Variants in NKAIN2 observed in about 807,000 individuals in gnomAD.
The protein encoded by NKAIN2 is sodium/potassium-transporting ATPase subunit beta-1-interacting protein 2.
NKAIN2 carries 14 observed loss-of-function variants against 32.6 expected under a neutral mutation model. The ratio of observed to expected loss-of-function variants is 0.43; its 90% CI spans 0.28 to 0.67. NKAIN2 has a LOEUF of 0.67. Ranked by LOEUF, NKAIN2 falls within the 30% of genes least tolerant of loss-of-function variation. The pLI, the probability that NKAIN2 is intolerant of heterozygous loss-of-function variation, is 0.17. For synonymous variants in NKAIN2, 80 were observed against 87.2 expected (o/e 0.92, Z 0.46); for missense variants, 198 against 258.3 (o/e 0.77, Z 1.60).
intron 3 of NKAIN2, among the ~76,000 whole-genome samples, chr6:124,509,061 G>A (rs1015885575): frequency 3.3e-5 from 5 of 152,106 alleles, no homozygotes. Flanking sequence ...TATCTTTTTA[G>A]GAAACACAAC....
At chr6:124,685,486 C>G (rs1035911010) in intron 4 of NKAIN2, among the ~76,000 whole-genome samples, 2 of 152,088 alleles carry the variant, frequency 1.3e-5, no homozygotes, top group East Asian at 3.8e-4. Context: ...AGAAAATCCT[C>G]CAACTTTGGT....
intron 2 of NKAIN2, among the ~76,000 whole-genome samples, chr6:124,324,018 C>T (rs1797314809): frequency 6.6e-6 from 1 of 151,970 alleles, no homozygotes; most frequent in South Asian, 2.1e-4. Flanking sequence ...GTCTCGATCT[C>T]CTGACCTCGT....
intron 3 of NKAIN2, among the ~76,000 whole-genome samples, chr6:124,607,955 T>A (rs1409017751): frequency 6.6e-6 from 1 of 152,150 alleles, no homozygotes; most frequent in Non-Finnish European, 1.5e-5. Flanking sequence ...ATGTTTAAGG[T>A]AGGCTACGCT....
intron 1 of NKAIN2, among the ~76,000 whole-genome samples, chr6:123,898,930 C>T (rs1774420902): frequency 6.6e-6 from 1 of 152,180 alleles, no homozygotes; most frequent in African/African-American, 2.4e-5. Context: ...CCTTCATAAC[C>T]TCAGCCACAA....
chr6:124,479,790 A>T (rs924043215), intron 3 of NKAIN2, among the ~76,000 whole-genome samples: 3 of 152,094 alleles, frequency 2.0e-5, no homozygotes, highest in Admixed American at 6.6e-5. Context: ...ATTTTTTTTC[A>T]ACTCAGGCAT....
At chr6:124,408,684 T>C (rs1773992803) in intron 3 of NKAIN2, among the ~76,000 whole-genome samples, 2 of 151,716 alleles carry the variant, frequency 1.3e-5, no homozygotes, top group South Asian at 4.2e-4. Context: ...ATGTGGGCTC[T>C]TTTTTGGTTC....
intron 1 of NKAIN2, among the ~76,000 whole-genome samples, chr6:123,824,381 A>G (rs778627425): frequency 6.6e-6 from 1 of 152,136 alleles, no homozygotes; most frequent in African/African-American, 2.4e-5. Flanking sequence ...GTGAAGAAAG[A>G]TCTTTCTGGG....
intron 3 of NKAIN2, among the ~76,000 whole-genome samples, chr6:124,422,365 T>C (rs1352733208): frequency 6.6e-6 from 1 of 152,098 alleles, no homozygotes; most frequent in Non-Finnish European, 1.5e-5. Flanking sequence ...TGGAATACAT[T>C]TCTAAAGAAA....
chr6:124,722,798 A>G (rs1309204817), intron 4 of NKAIN2, among the ~76,000 whole-genome samples: 3 of 152,240 alleles, frequency 2.0e-5, no homozygotes, highest in African/African-American at 4.8e-5. Context: ...TCCTGCAAAC[A>G]GGGCACAAGG....
At chr6:124,177,440 T>A (rs1483895042) in intron 1 of NKAIN2, among the ~76,000 whole-genome samples, 1 of 152,192 alleles carries the variant, frequency 6.6e-6, no homozygotes, top group East Asian at 1.9e-4. Flanking sequence ...AATCCTTTTT[T>A]GTGGCCCAGG....
intron 3 of NKAIN2, among the ~76,000 whole-genome samples, chr6:124,637,352 T>C (rs1335646400): frequency 6.6e-6 from 1 of 152,040 alleles, no homozygotes; most frequent in Non-Finnish European, 1.5e-5. Flanking sequence ...TGCCCATTTT[T>C]ACCTCTCTTA....
intron 3 of NKAIN2, among the ~76,000 whole-genome samples, chr6:124,631,599 C>T (rs747663515): frequency 2.0e-5 from 3 of 152,204 alleles, no homozygotes; most frequent in South Asian, 4.1e-4. Context: ...CTCAGCACAC[C>T]GCTTTTTCTA....
intron 4 of NKAIN2, among the ~76,000 whole-genome samples, chr6:124,719,272 A>C (rs968032747): frequency 6.6e-6 from 1 of 152,212 alleles, no homozygotes; most frequent in Non-Finnish European, 1.5e-5. Context: ...ACACTGGTTC[A>C]AACTTTAATG....
At chr6:124,087,455 T>C (rs981117536) in intron 1 of NKAIN2, among the ~76,000 whole-genome samples, 24 of 152,048 alleles carry the variant, frequency 1.6e-4, no homozygotes, top group African/African-American at 5.3e-4. Flanking sequence ...AAAAAAAATG[T>C]ATATACATTG....
chr6:123,823,312 T>A (rs937585686), intron 1 of NKAIN2: 2 of 152,170 alleles, frequency 1.3e-5, no homozygotes, highest in Non-Finnish European at 2.9e-5. Context: ...GTGAAAATAA[T>A]GGATACAAAT....
Position 124,662,639 on chromosome 6 carries a change from G to C in NKAIN2, c.474+4253G>C, listed in dbSNP as rs143820807. On this transcript the variant is annotated intron_variant, in intron 4 of 6. Coordinates refer to ENST00000368417, the MANE Select transcript of NKAIN2 (RefSeq NM_001040214.3). The stretch of plus-strand genomic sequence containing the variant: ...TGTTAATAATTTATGTTTGCCATTT[G>C]TCTGGCTAAGACTTACTGAGGATAC... 2.6e-3 allele frequency among the ~76,000 whole-genome samples: 399 copies of C among 152,322 alleles called. 5 individuals are homozygous for C. The highest frequency in any genetic ancestry group is 6.9e-3 in the East Asian group (36 of 5,192).
intron 1 of NKAIN2, among the ~76,000 whole-genome samples, chr6:124,029,507 A>T (rs1279136821): frequency 6.6e-6 from 1 of 152,166 alleles, no homozygotes; most frequent in Non-Finnish European, 1.5e-5. Context: ...ATAAAGAAAG[A>T]TTTAGATAAA....
At chr6:124,332,976 C>T (rs981807202) in intron 2 of NKAIN2, among the ~76,000 whole-genome samples, 7 of 152,226 alleles carry the variant, frequency 4.6e-5, no homozygotes, top group East Asian at 1.9e-4. Flanking sequence ...ACTCAGGTCT[C>T]CAAACTTCTA....
At chr6:124,398,571 A>C (rs1346770690) in intron 3 of NKAIN2, among the ~76,000 whole-genome samples, 2 of 152,176 alleles carry the variant, frequency 1.3e-5, no homozygotes, top group Non-Finnish European at 2.9e-5. Context: ...CATAGGCTTG[A>C]GAAGGCCTGA....
Sources: gnomAD v4.1 joint callset for allele counts (sites outside exome capture counted in the v4.1 genomes callset) on GRCh38, gnomAD v4.1.1 for gene constraint, MANE v1.5 for transcripts, NCBI Gene and HGNC (gene_info 2026-07-23, HGNC 2026-07-21) for gene names.